The following PTPRG variants were observed in gnomAD, a reference collection of about 807,000 sequenced individuals.
PTPRG encodes receptor-type tyrosine-protein phosphatase gamma.
PTPRG carries 102 observed loss-of-function variants against 165.3 expected under a neutral mutation model. The ratio of observed to expected loss-of-function variants is 0.62; its 90% CI spans 0.53 to 0.73. The LOEUF is 0.73. PTPRG is among the 30% of genes least tolerant of loss of function. PTPRG has a pLI of 0.00. For missense variants in PTPRG, 1,866 were observed against 1,861.4 expected, an observed-to-expected ratio of 1.00 and a Z score of -0.05; for synonymous variants, 675 against 669.5, an observed-to-expected ratio of 1.01 and a Z score of -0.13.
At chr3:62,231,443 A>C (rs78213690) in intron 14 of PTPRG, 132 bp downstream of exon 14, 12,436 of 561,998 alleles carry the variant, frequency 0.022, 266 homozygotes, top group African/African-American at 0.078. Flanking sequence ...CTTTACCTGA[A>C]TTCCCAAAAG....
At chr3:62,169,786 A>G (rs560494487) in intron 8 of PTPRG, among the ~76,000 whole-genome samples, 2 of 152,292 alleles carry the variant, frequency 1.3e-5, no homozygotes, top group East Asian at 1.9e-4. Flanking sequence ...AGAGTGGGCT[A>G]CTGTTAGTGT....
chr3:61,763,495 A>G (rs2106979804), intron 2 of PTPRG, among the ~76,000 whole-genome samples: 1 of 151,778 alleles, frequency 6.6e-6, no homozygotes, highest in East Asian at 1.9e-4. Context: ...CCTCCCAGGT[A>G]GCTGGGATTA....
intron 2 of PTPRG, among the ~76,000 whole-genome samples, chr3:61,906,593 G>T (rs2038663584): frequency 6.6e-6 from 1 of 152,026 alleles, no homozygotes; most frequent in Admixed American, 6.6e-5. Flanking sequence ...AACATAGGTA[G>T]ACCCCATTTC....
At chr3:61,725,444 GC>G (rs1371494487) in intron 1 of PTPRG, among the ~76,000 whole-genome samples, 1 of 152,038 alleles carries the variant, frequency 6.6e-6, no homozygotes, top group African/African-American at 2.4e-5. Context: ...AATTGCTCCA[GC>G]ACCATTTGTT....
intron 2 of PTPRG, among the ~76,000 whole-genome samples, chr3:61,967,285 T>C (rs952584355): frequency 1.1e-4 from 17 of 152,172 alleles, no homozygotes; most frequent in Admixed American, 1.0e-3. Flanking sequence ...TGTGATTTGA[T>C]CTCTTGCATT....
intron 4 of PTPRG, among the ~76,000 whole-genome samples, chr3:62,074,224 G>A (rs1701303667): frequency 6.6e-6 from 1 of 150,520 alleles, no homozygotes; most frequent in East Asian, 1.9e-4. Context: ...TACAGAGAGA[G>A]CGCAAAAGAG....
intron 5 of PTPRG, among the ~76,000 whole-genome samples, chr3:62,088,510 C>T (rs1280247786): frequency 6.6e-6 from 1 of 152,226 alleles, no homozygotes; most frequent in Non-Finnish European, 1.5e-5. Flanking sequence ...GCAAAACTTG[C>T]ATGCCAAAAT....
intron 2 of PTPRG, among the ~76,000 whole-genome samples, chr3:61,805,178 C>A (rs1171518172): frequency 6.6e-6 from 1 of 152,014 alleles, no homozygotes; most frequent in African/African-American, 2.4e-5. Context: ...CTATTTTACT[C>A]CAGAAGGGGC....
At chr3:61,921,657 A>C (rs1370446766) in intron 2 of PTPRG, among the ~76,000 whole-genome samples, 1 of 152,192 alleles carries the variant, frequency 6.6e-6, no homozygotes, top group African/African-American at 2.4e-5. Context: ...AGTTAAATGA[A>C]TTTCATGTTT....
intron 2 of PTPRG, among the ~76,000 whole-genome samples, chr3:61,820,846 T>C (rs2035933435): frequency 6.6e-6 from 1 of 152,000 alleles, no homozygotes; most frequent in Non-Finnish European, 1.5e-5. Flanking sequence ...CTTCCTAGGG[T>C]TCTTTGGCCA....
intron 2 of PTPRG, among the ~76,000 whole-genome samples, chr3:61,953,511 C>G (rs75579889): frequency 6.6e-6 from 1 of 152,154 alleles, no homozygotes; most frequent in Non-Finnish European, 1.5e-5. Flanking sequence ...AGGTTACCTA[C>G]GGGCTCCCTA....
intron 1 of PTPRG, among the ~76,000 whole-genome samples, chr3:61,698,352 G>T (rs1221513056): frequency 1.3e-5 from 2 of 152,078 alleles, no homozygotes; most frequent in Admixed American, 6.5e-5. Flanking sequence ...GTCATACCTT[G>T]TCTGTCAAAA....
rs1394586688 is a variant in PTPRG at position 61,619,291 on chromosome 3, C to A, written c.85+56919C>A. On this transcript the variant is annotated intron_variant, in intron 1 of 29. Coordinates refer to ENST00000474889, the MANE Select transcript of PTPRG (RefSeq NM_002841.4). ...TTTTAATGAATTTCTGTATGGAGTT[C>A]TATATACATACAATTTCTGCCTATT... Among the ~76,000 whole-genome samples, 5 of 152,214 alleles carry A rather than the reference C, an allele frequency of 3.3e-5. 1 individual carries two copies. Among genetic ancestry groups the A allele is most frequent in the Admixed American group, 6.5e-5 (1 of 15,292 alleles).
At chr3:61,831,202 C>G (rs1017819312) in intron 2 of PTPRG, among the ~76,000 whole-genome samples, 1 of 152,142 alleles carries the variant, frequency 6.6e-6, no homozygotes. Flanking sequence ...CAGGCATAAC[C>G]CAGGATACTC....
chr3:61,891,047 C>T (rs1437179898), intron 2 of PTPRG, among the ~76,000 whole-genome samples: 2 of 151,970 alleles, frequency 1.3e-5, no homozygotes, highest in Non-Finnish European at 2.9e-5. Flanking sequence ...AGGCTGGTTG[C>T]GGTGGCTCAT....
intron 1 of PTPRG, among the ~76,000 whole-genome samples, chr3:61,730,396 A>G (rs2032446222): frequency 6.6e-6 from 1 of 152,216 alleles, no homozygotes; most frequent in Non-Finnish European, 1.5e-5. Context: ...ACATCATTTT[A>G]GAGGGCTTAT....
intron 2 of PTPRG, among the ~76,000 whole-genome samples, chr3:61,893,604 A>T (rs1330196395): frequency 6.6e-6 from 1 of 152,166 alleles, no homozygotes; most frequent in Non-Finnish European, 1.5e-5. Context: ...TTTTTTGGTA[A>T]GACAGGTTTT....
At chr3:61,696,155 G>C (rs192787916) in intron 1 of PTPRG, among the ~76,000 whole-genome samples, 1 of 152,100 alleles carries the variant, frequency 6.6e-6, no homozygotes, top group Admixed American at 6.5e-5. Context: ...ATGCTTGTAT[G>C]TTTGTGCTAT....
intron 4 of PTPRG, among the ~76,000 whole-genome samples, chr3:62,005,283 G>A (rs186985922): frequency 4.6e-5 from 7 of 152,274 alleles, no homozygotes; most frequent in Admixed American, 1.3e-4. Flanking sequence ...CCTTAAAATG[G>A]AATGAATCAT....
Sources: allele counts gnomAD v4.1 joint callset (sites outside exome capture counted in the v4.1 genomes callset), GRCh38; gene constraint gnomAD v4.1.1; transcripts MANE v1.5; gene names NCBI Gene and HGNC (gene_info 2026-07-23, HGNC 2026-07-21).